SIL1: variants seen among roughly 807,000 people sequenced by gnomAD.
SIL1 encodes SIL1 nucleotide exchange factor, also known as nucleotide exchange factor SIL1.
Under a neutral mutation model 49.1 loss-of-function variants are expected in SIL1, and 40 were observed. The observed-to-expected ratio is 0.81, with a 90% confidence interval of 0.63 to 1.06. The LOEUF (loss-of-function observed/expected upper bound fraction) is 1.06. Among genes scored for constraint, SIL1 ranks in the 50% least tolerant of loss-of-function variants. The probability of loss-of-function intolerance (pLI) is 0.00; values close to 1 mark genes in which losing one functional copy is unlikely to be tolerated. For missense variants in SIL1, 500 were observed against 572.6 expected, an observed-to-expected ratio of 0.87 and a Z score of 1.29; for synonymous variants, 253 against 250.8, an observed-to-expected ratio of 1.01 and a Z score of -0.08.
At chr5:139,197,630 T>A (rs1752303336) in intron 1 of SIL1, among the ~76,000 whole-genome samples, 1 of 152,140 alleles carries the variant, frequency 6.6e-6, no homozygotes, top group Non-Finnish European at 1.5e-5. Flanking sequence ...GGGGCTCATA[T>A]GTCAAGTCAT....
rs138799850 is a variant in SIL1 at position 139,172,545 on chromosome 5, A to T, written c.-11+25724T>A. Among the ~76,000 whole-genome samples the T allele has an allele frequency of 4.7e-3, 721 of 152,006 alleles. 5 individuals carry two copies. Among genetic ancestry groups the T allele is most frequent in the Non-Finnish European group, 8.6e-3 (587 of 67,986 alleles). ...TTACTTGGGAGGCTGAGGCAGGAGA[A>T]CTGCTTGAACCCGGGAGGTGGAGGT... On this transcript the variant is annotated intron_variant, in intron 1 of 9. Coordinates refer to ENST00000394817, the MANE Select transcript of SIL1 (RefSeq NM_022464.5).
At chr5:139,022,464 TTGTC>T (rs1768550191) in intron 6 of SIL1, 1 of 152,276 alleles carries the variant, frequency 6.6e-6, no homozygotes, top group South Asian at 2.1e-4. Context: ...AGCAGGGGTT[TTGTC>T]TGTCTGTCCA....
At chr5:139,034,320 A>C (rs1315823196) in intron 5 of SIL1, 1 of 152,042 alleles carries the variant, frequency 6.6e-6, no homozygotes. Flanking sequence ...ATTATTATAC[A>C]TTTATGTTTT....
intron 1 of SIL1, among the ~76,000 whole-genome samples, chr5:139,185,389 TCA>T (rs1752060832): frequency 1.3e-5 from 2 of 152,358 alleles, no homozygotes; most frequent in South Asian, 2.1e-4. Flanking sequence ...CACATTTATC[TCA>T]GTTTTTAATA....
rs1313600750 is a variant in SIL1 at position 138,948,684 on chromosome 5, C to T, written c.1030-1211G>A. Among the ~76,000 whole-genome samples the T allele has an allele frequency of 6.6e-6, 1 of 152,194 alleles. No individual in the cohort carries two copies. The highest frequency in any genetic ancestry group is 1.9e-4 in the East Asian group (1 of 5,192). ...TCCCTGCACACCTCACCGCCACTGA[C>T]CGGCCTCCCCTGACTGGCCTTCTCT... On this transcript the variant is annotated intron_variant, in intron 9 of 9. Coordinates refer to ENST00000394817, the MANE Select transcript of SIL1 (RefSeq NM_022464.5). The surrounding 1 kb of genome is among the most constrained non-coding windows in gnomAD (Gnocchi z 4.8).
rs188632641 is a variant in SIL1 at position 138,987,017 on chromosome 5, T to C, written c.767+34154A>G. ...GGGCACAACATAGGTACCTAAAACATGGGAGGGGAAAAAAAATTGGGTCAA... is the reference window on the plus strand; with the variant it reads ...GGGCACAACATAGGTACCTAAAACACGGGAGGGGAAAAAAAATTGGGTCAA... On this transcript the variant is annotated intron_variant, in intron 7 of 9. Coordinates refer to ENST00000394817, the MANE Select transcript of SIL1 (RefSeq NM_022464.5). Among the ~76,000 whole-genome samples the C allele has an allele frequency of 2.0e-5, 3 of 151,888 alleles. No homozygotes were observed. In the East Asian group the frequency reaches 5.8e-4, roughly 29 times the overall value.
At chr5:138,990,479 G>C (rs1767732681) in intron 7 of SIL1, among the ~76,000 whole-genome samples, 1 of 152,166 alleles carries the variant, frequency 6.6e-6, no homozygotes, top group Admixed American at 6.5e-5. Context: ...TTTTGAGACA[G>C]GGTTTCATTC....
chr5:139,008,019 T>C (rs1268066418), intron 7 of SIL1, among the ~76,000 whole-genome samples: 1 of 152,142 alleles, frequency 6.6e-6, no homozygotes, highest in African/African-American at 2.4e-5. Flanking sequence ...TTGATTGGAA[T>C]AGTTTCAGAA....
rs1319084899 is a variant in SIL1, at chr5:139,040,477, ATTTTTTC to A, written c.453+2136_453+2142del. ...GATCCCCTTGCAAGGGGAGAGGAGT[ATTTTTTC>A]TTTTTTCTTTTTTCTTTTTTTTTTT... is the stretch of plus-strand genomic sequence containing the variant. On this transcript the variant is annotated intron_variant, in intron 5 of 9. Coordinates refer to ENST00000394817, the MANE Select transcript of SIL1 (RefSeq NM_022464.5). Among the ~76,000 whole-genome samples, 36 of 95,694 alleles carry A rather than the reference ATTTTTTC, an allele frequency of 3.8e-4. 1 individual carries two copies. Among genetic ancestry groups the A allele is most frequent in the Admixed American group, 1.0e-3 (10 of 9,794 alleles). 62.8% of individuals were successfully genotyped at this position (95,694 alleles called of 152,430 possible).
At chr5:138,988,136 T>A (rs1767682854) in intron 7 of SIL1, among the ~76,000 whole-genome samples, 1 of 152,134 alleles carries the variant, frequency 6.6e-6, no homozygotes, top group African/African-American at 2.4e-5. Context: ...CCTGGCCAAG[T>A]TTTTTACTTT....
intron 7 of SIL1, among the ~76,000 whole-genome samples, chr5:138,956,072 T>A (rs1488079656): frequency 6.6e-6 from 1 of 152,230 alleles, no homozygotes; most frequent in Non-Finnish European, 1.5e-5. Context: ...AGCAGAGGGA[T>A]GTGCTCACTC....
chr5:139,034,308 C>T (rs1448499887), intron 5 of SIL1: 1 of 151,826 alleles, frequency 6.6e-6, no homozygotes, highest in East Asian at 1.9e-4. Flanking sequence ...AAACATTTTA[C>T]AATTATTATA....
chr5:139,071,770 C>T (rs1423320636), intron 3 of SIL1, among the ~76,000 whole-genome samples: 2 of 150,896 alleles, frequency 1.3e-5, no homozygotes, highest in African/African-American at 4.9e-5. Flanking sequence ...CCGGTTCAAG[C>T]GATTCTCTGC....
chr5:139,169,369 C>T (rs1000996116), intron 1 of SIL1, among the ~76,000 whole-genome samples: 1 of 152,096 alleles, frequency 6.6e-6, no homozygotes, highest in African/African-American at 2.4e-5. Context: ...TCCAGGGTTA[C>T]CACATTATTA....
intron 4 of SIL1, among the ~76,000 whole-genome samples, chr5:139,046,328 T>TG (rs766743979): frequency 3.8e-5 from 5 of 130,066 alleles, no homozygotes; most frequent in African/African-American, 5.8e-5. Context: ...CACCGTCTTA[T>TG]GGGGAAAAAA....
chr5:139,180,686 G>A (rs1182819120), intron 1 of SIL1, among the ~76,000 whole-genome samples: 1 of 152,178 alleles, frequency 6.6e-6, no homozygotes, highest in Non-Finnish European at 1.5e-5. Flanking sequence ...GCAACTATGG[G>A]CATGAGGCTG....
intron 3 of SIL1, among the ~76,000 whole-genome samples, chr5:139,089,968 C>T (rs997804131): frequency 2.0e-5 from 3 of 152,082 alleles, no homozygotes; most frequent in African/African-American, 7.2e-5. Context: ...TAAATTTAAC[C>T]TCAATGTAAG....
At chr5:138,961,614 T>C (rs1414910369) in intron 7 of SIL1, among the ~76,000 whole-genome samples, 1 of 152,130 alleles carries the variant, frequency 6.6e-6, no homozygotes, top group Non-Finnish European at 1.5e-5. Flanking sequence ...CTCCTGACAC[T>C]GTTCTCGGAG....
rs1435500939 is a variant in SIL1 at position 138,946,939 on chromosome 5, C to T, written c.*178G>A. ...ATCACCCAACCACTCACCTGACCCC[C>T]CGGCCACAGGGCTGTGCCCAGTCTA... On this transcript the variant is annotated 3_prime_UTR_variant, in exon 10 of 10. Coordinates refer to ENST00000394817, the MANE Select transcript of SIL1 (RefSeq NM_022464.5). The T allele has an allele frequency of 3.1e-6, 2 of 645,328 alleles. No individual in the cohort carries two copies. Among genetic ancestry groups the T allele is most frequent in the South Asian group, 1.8e-5 (1 of 56,570 alleles). The allele number at this position is 645,328 out of a possible 1,614,324, so 40.0% of individuals were successfully genotyped here. A position where few individuals can be genotyped will look rare whatever the true frequency, so the allele number is the denominator to read the frequency against.
Sources: gnomAD v4.1 joint callset for allele counts (sites outside exome capture counted in the v4.1 genomes callset) on GRCh38, gnomAD v4.1.1 for gene constraint, Gnocchi (gnomAD v3.1) non-coding constraint, MANE v1.5 for transcripts, NCBI Gene and HGNC (gene_info 2026-07-23, HGNC 2026-07-21) for gene names.